Variants in AFG2A observed in about 807,000 individuals in gnomAD.
The protein encoded by AFG2A is AAA ATPase AFG2A, also known as ATPase family gene 2 protein homolog A.
chr4:123,306,516 G>GTATA, the AFG2A span, among the ~76,000 whole-genome samples: 12 of 151,014 alleles, frequency 7.9e-5, no homozygotes, highest in Middle Eastern at 3.4e-3. Context: ...GCAAAAAGCT[G>GTATA]TATATATATA....
At chr4:123,317,382 G>T in the AFG2A span, 6 of 152,086 alleles carry the variant, frequency 3.9e-5, no homozygotes, top group Non-Finnish European at 8.8e-5. Context: ...TGCCCTGGGG[G>T]TAACTAGCAC....
chr4:123,200,213 G>C, the AFG2A span, among the ~76,000 whole-genome samples: 1 of 152,238 alleles, frequency 6.6e-6, no homozygotes, highest in Middle Eastern at 3.4e-3. Flanking sequence ...ATAAACATCA[G>C]CCCTGAATAA....
the AFG2A span, among the ~76,000 whole-genome samples, chr4:123,205,143 T>C: frequency 2.0e-5 from 3 of 152,218 alleles, no homozygotes; most frequent in Admixed American, 2.0e-4. Context: ...TTGCTTTGTA[T>C]TTTTTGCTAT....
chr4:122,935,078 T>C, the AFG2A span, among the ~76,000 whole-genome samples: 5 of 152,174 alleles, frequency 3.3e-5, no homozygotes, highest in Non-Finnish European at 7.3e-5. Flanking sequence ...TAAAACTTCT[T>C]AGGAAATGTA....
the AFG2A span, chr4:123,256,602 T>A: frequency 1.3e-3 from 830 of 660,480 alleles, 6 homozygotes; most frequent in African/African-American, 0.015. Flanking sequence ...AATTAGGATA[T>A]CATGAGTATA....
the AFG2A span, among the ~76,000 whole-genome samples, chr4:122,978,305 A>G: frequency 6.6e-6 from 1 of 151,908 alleles, no homozygotes; most frequent in Non-Finnish European, 1.5e-5. Flanking sequence ...GCTCCTTTCC[A>G]TAGGCAGGGT....
chr4:122,929,615 C>G, the AFG2A span, among the ~76,000 whole-genome samples: 1 of 151,976 alleles, frequency 6.6e-6, no homozygotes. Context: ...AGGAGGATTG[C>G]TTGAGCCTGG....
chr4:123,075,524 T>G, the AFG2A span, among the ~76,000 whole-genome samples: 12 of 152,070 alleles, frequency 7.9e-5, no homozygotes, highest in African/African-American at 2.7e-4. Context: ...GGTCTCAAAC[T>G]CCTGACCTCA....
At chr4:123,256,785 C>G in the AFG2A span, 2 of 984,966 alleles carry the variant, frequency 2.0e-6, no homozygotes, top group South Asian at 4.7e-5. Flanking sequence ...ATGAAAATGA[C>G]TTTTATGTAT....
the AFG2A span, among the ~76,000 whole-genome samples, chr4:123,162,268 C>T: frequency 2.0e-5 from 3 of 152,162 alleles, no homozygotes; most frequent in African/African-American, 7.2e-5. Context: ...ACACCACCTT[C>T]AAATACATGC....
At chr4:123,166,601 G>A in the AFG2A span, among the ~76,000 whole-genome samples, 1,927 of 152,188 alleles carry the variant, frequency 0.013, 17 homozygotes, top group African/African-American at 0.019. Flanking sequence ...AAATGGTTAG[G>A]GAACTTGTTT....
the AFG2A span, among the ~76,000 whole-genome samples, chr4:122,948,265 T>C: frequency 7.2e-5 from 11 of 152,176 alleles, no homozygotes; most frequent in Middle Eastern, 6.8e-3. Context: ...GTAGTCTATA[T>C]GCAAGTACTA....
chr4:122,964,210 A>G, the AFG2A span, among the ~76,000 whole-genome samples: 1 of 152,210 alleles, frequency 6.6e-6, no homozygotes, highest in Non-Finnish European at 1.5e-5. Context: ...AGGTTGGTGC[A>G]AAAGTAATTG....
At chr4:122,929,789 A>G in the AFG2A span, among the ~76,000 whole-genome samples, 1 of 152,120 alleles carries the variant, frequency 6.6e-6, no homozygotes, top group Non-Finnish European at 1.5e-5. Context: ...CTTGTAGCAC[A>G]TCACAGTTTG....
the AFG2A span, among the ~76,000 whole-genome samples, chr4:122,954,396 C>A: frequency 6.6e-6 from 1 of 152,186 alleles, no homozygotes; most frequent in Non-Finnish European, 1.5e-5. Context: ...CAGGCAGAGA[C>A]AAGTTTTGTG....
At chr4:123,169,176 T>C in the AFG2A span, among the ~76,000 whole-genome samples, 1 of 152,242 alleles carries the variant, frequency 6.6e-6, no homozygotes, top group South Asian at 2.1e-4. Context: ...GTTCCTTGAA[T>C]GATCCTTTAA....
chr4:123,317,185 A>G, the AFG2A span: 1 of 143,084 alleles, frequency 7.0e-6, no homozygotes, highest in Non-Finnish European at 1.5e-5. Context: ...AGATTGCGCC[A>G]CTGCACTCCA....
the AFG2A span, among the ~76,000 whole-genome samples, chr4:122,946,344 AT>A: frequency 6.6e-6 from 1 of 152,186 alleles, no homozygotes; most frequent in Non-Finnish European, 1.5e-5. Context: ...CCTGTTGTGG[AT>A]TAGTATTCTT....
the AFG2A span, among the ~76,000 whole-genome samples, chr4:123,004,279 G>A: frequency 3.3e-5 from 5 of 152,190 alleles, no homozygotes; most frequent in East Asian, 1.9e-4. Flanking sequence ...GAAATGCCTC[G>A]GCCTGCTTCG....
Sources: allele counts gnomAD v4.1 joint callset (sites outside exome capture counted in the v4.1 genomes callset), GRCh38; gene constraint gnomAD v4.1.1; transcripts MANE v1.5; gene names NCBI Gene and HGNC (gene_info 2026-07-23, HGNC 2026-07-21).